Variants in MAGI2 observed in about 807,000 individuals in gnomAD.
The protein encoded by MAGI2 is membrane-associated guanylate kinase, WW and PDZ domain-containing protein 2.
In MAGI2, 35 loss-of-function variants were observed where a neutral mutation model predicts 133.3. That is an observed-to-expected ratio of 0.26 (90% CI 0.20 to 0.35). The LOEUF (loss-of-function observed/expected upper bound fraction) is 0.35, where lower values mean the gene tolerates loss of function less well. Among genes scored for constraint, MAGI2 ranks in the 10% least tolerant of loss-of-function variants. The pLI, the probability that MAGI2 is intolerant of heterozygous loss-of-function variation, is 1.00. For missense variants in MAGI2, 1,636 were observed against 1,863.4 expected (o/e 0.88, Z 2.25); for synonymous variants, 729 against 710.6 (o/e 1.03, Z -0.41).
chr7:78,503,241 T>C (rs1205279823), intron 4 of MAGI2, among the ~76,000 whole-genome samples: 1 of 152,168 alleles, frequency 6.6e-6, no homozygotes, highest in African/African-American at 2.4e-5. Flanking sequence ...GTTCTGAATG[T>C]ATGCTCTCCA....
chr7:78,867,943 G>A (rs192138136), intron 2 of MAGI2, among the ~76,000 whole-genome samples: 4 of 151,916 alleles, frequency 2.6e-5, no homozygotes, highest in Admixed American at 1.3e-4. Context: ...AAACACAGCA[G>A]GAGTGATAAT....
intron 1 of MAGI2, among the ~76,000 whole-genome samples, chr7:79,423,471 C>G (rs1031881612): frequency 3.9e-5 from 6 of 151,972 alleles, no homozygotes; most frequent in African/African-American, 1.4e-4. Context: ...TAAATATCTA[C>G]TCAATATCCA....
chr7:78,648,576 C>A (rs1811157625), intron 2 of MAGI2, among the ~76,000 whole-genome samples: 1 of 152,166 alleles, frequency 6.6e-6, no homozygotes, highest in African/African-American at 2.4e-5. Context: ...ACATTAGAAA[C>A]ATCTGGGAAG....
At chr7:78,644,268 G>A (rs1324447159) in intron 2 of MAGI2, among the ~76,000 whole-genome samples, 1 of 151,966 alleles carries the variant, frequency 6.6e-6, no homozygotes, top group African/African-American at 2.4e-5. Flanking sequence ...GATAAAACAA[G>A]TAGACAGAAA....
In MAGI2 at chr7:79,077,968, T is replaced by C. The variant is rs988364486; in HGVS notation, c.302-70762A>G. Among the ~76,000 whole-genome samples the C allele has an allele frequency of 2.9e-4, 44 of 152,194 alleles. 1 individual carries two copies. The highest frequency in any genetic ancestry group is 2.1e-4 in the South Asian group (1 of 4,834). On this transcript the variant is annotated intron_variant, in intron 1 of 21. Transcript: ENST00000354212. ...TAAAAGTGAAATTGTTGGGACAAAA[T>C]GTAGTATCAATTTTGAAGCTTTGAA...
In MAGI2 at chr7:78,229,587, G is replaced by A. The variant is rs17150146; in HGVS notation, c.2047+26356C>T. On this transcript the variant is annotated intron_variant, in intron 10 of 21. Coordinates refer to ENST00000354212, the MANE Select transcript of MAGI2 (RefSeq NM_012301.4). Reference sequence around the variant, plus strand: ...GTGCTAGGTCAGGAGGAGACAGCCCGTGGTCCTGCAAGGACACTGAGCCTG... The same window carrying A: ...GTGCTAGGTCAGGAGGAGACAGCCCATGGTCCTGCAAGGACACTGAGCCTG... 6.9e-3 allele frequency among the ~76,000 whole-genome samples: 1,045 copies of A among 152,322 alleles called. 30 individuals carry two copies. The highest frequency in any genetic ancestry group is 0.048 in the East Asian group (247 of 5,176).
intron 16 of MAGI2, 178 bp downstream of exon 16, chr7:78,159,847 G>T (rs1360783757): frequency 3.1e-6 from 2 of 646,760 alleles, no homozygotes; most frequent in Non-Finnish European, 4.7e-6. Flanking sequence ...TGAGCCAGAG[G>T]TCAGTAACTG....
chr7:78,121,070 G>A lies in MAGI2; in HGVS notation c.3567+4624C>T, dbSNP rs968227085. Among the ~76,000 whole-genome samples the A allele has an allele frequency of 4.1e-5, 6 of 148,036 alleles. No individual in the cohort carries two copies. The East Asian group carries it at 7.8e-4, about 19-fold the overall frequency. On this transcript the variant is annotated intron_variant, in intron 20 of 21. Transcript: ENST00000354212. ...ATCCATATGGAAAAATTGAGATTGA[G>A]GTTCTACCTTATATCATACAGAGAA...
At chr7:78,695,073 A>C (rs573858004) in intron 2 of MAGI2, among the ~76,000 whole-genome samples, 15 of 152,132 alleles carry the variant, frequency 9.9e-5, no homozygotes, top group African/African-American at 3.4e-4. Flanking sequence ...AAAATATGAA[A>C]GATTAGCTGG....
chr7:79,264,793 G>A (rs1469783502), intron 1 of MAGI2, among the ~76,000 whole-genome samples: 1 of 151,878 alleles, frequency 6.6e-6, no homozygotes, highest in African/African-American at 2.4e-5. Context: ...GCTGCTTCAT[G>A]GTGGAAGATG....
intron 2 of MAGI2, among the ~76,000 whole-genome samples, chr7:78,684,382 G>A (rs994971683): frequency 3.3e-5 from 5 of 152,088 alleles, no homozygotes; most frequent in Admixed American, 3.3e-4. Flanking sequence ...GAATGGATAA[G>A]CTTCAAATAA....
At chr7:79,228,214 T>G (rs1831024744) in intron 1 of MAGI2, among the ~76,000 whole-genome samples, 1 of 151,214 alleles carries the variant, frequency 6.6e-6, no homozygotes, top group Non-Finnish European at 1.5e-5. Flanking sequence ...CGTGGTGGCA[T>G]GTACCTGTAG....
rs538084768 is a variant in MAGI2 at position 78,856,786 on chromosome 7, A to G, written c.418+150304T>C. Among the ~76,000 whole-genome samples the G allele has an allele frequency of 3.3e-5, 5 of 152,246 alleles. No individual in the cohort carries two copies. The South Asian group carries it at 1.0e-3, about 32-fold the overall frequency. On this transcript the variant is annotated intron_variant, in intron 2 of 21. Coordinates refer to ENST00000354212, the MANE Select transcript of MAGI2 (RefSeq NM_012301.4). ...TAAAGTAGTTTTTTCCAATTCTGTGAAGAAAGTCATTGGTAGCTTGATGGG... is the reference window on the plus strand; with the variant it reads ...TAAAGTAGTTTTTTCCAATTCTGTGGAGAAAGTCATTGGTAGCTTGATGGG...
intron 6 of MAGI2, among the ~76,000 whole-genome samples, chr7:78,449,631 TG>T (rs1470180909): frequency 1.6e-4 from 24 of 152,266 alleles, no homozygotes; most frequent in Middle Eastern, 6.8e-3. Flanking sequence ...TACCTATTTT[TG>T]TAGCCTTCCT....
chr7:78,576,639 A>G (rs1214682508), intron 3 of MAGI2, among the ~76,000 whole-genome samples: 8 of 151,980 alleles, frequency 5.3e-5, no homozygotes, highest in Non-Finnish European at 1.0e-4. Flanking sequence ...ATCTGAACAG[A>G]CAGGCCTTGC....
intron 3 of MAGI2, among the ~76,000 whole-genome samples, chr7:78,556,660 CT>C (rs1258796547): frequency 6.6e-6 from 1 of 152,156 alleles, no homozygotes; most frequent in Non-Finnish European, 1.5e-5. Flanking sequence ...AACCGTTTTG[CT>C]CACTATTGTC....
intron 1 of MAGI2, among the ~76,000 whole-genome samples, chr7:79,364,068 A>G (rs2129125863): frequency 6.6e-6 from 1 of 152,134 alleles, no homozygotes; most frequent in South Asian, 2.1e-4. Context: ...TGGAATGTCT[A>G]TTATTAAAAA....
chr7:78,826,137 G>A (rs1236027308), intron 2 of MAGI2, among the ~76,000 whole-genome samples: 1 of 151,962 alleles, frequency 6.6e-6, no homozygotes, highest in African/African-American at 2.4e-5. Flanking sequence ...CAGATCACGA[G>A]GTCAGGAGGT....
At chr7:78,645,220 T>C (rs1233612279) in intron 2 of MAGI2, among the ~76,000 whole-genome samples, 1 of 152,126 alleles carries the variant, frequency 6.6e-6, no homozygotes, top group Non-Finnish European at 1.5e-5. Context: ...GTGAATTCCA[T>C]GACATATTTA....
Sources: allele counts gnomAD v4.1 joint callset (sites outside exome capture counted in the v4.1 genomes callset), GRCh38; gene constraint gnomAD v4.1.1; transcripts MANE v1.5; gene names NCBI Gene and HGNC (gene_info 2026-07-23, HGNC 2026-07-21).